Variants in DNAH1 observed in about 807,000 individuals in gnomAD.
DNAH1 encodes axonemal beta dynein heavy chain 1.
Under a neutral mutation model 484.3 loss-of-function variants are expected in DNAH1, and 327 were observed. That is an observed-to-expected ratio of 0.68 (90% CI 0.62 to 0.74). The LOEUF (loss-of-function observed/expected upper bound fraction) is 0.74. Among genes scored for constraint, DNAH1 ranks in the 30% least tolerant of loss-of-function variants. The pLI is 0.00. For synonymous variants in DNAH1, 2,192 were observed against 2,191.9 expected (o/e 1.00, Z 0.00); for missense variants, 5,052 against 5,546.8 (o/e 0.91, Z 2.83).
rs200951874 is a variant in DNAH1 at position 52,332,382 on chromosome 3, G to A, written c.1274G>A (p.Arg425His). 506 of 1,613,036 alleles carry A rather than the reference G, an allele frequency of 3.1e-4. 1 individual carries two copies. Among genetic ancestry groups the A allele is most frequent in the East Asian group, 1.1e-3 (48 of 44,874 alleles). ...KQWALSTPRM[R>H]KGPSVLEHLS... is the part of the protein sequence containing the mutation. Reference sequence around the variant, plus strand: ...TGGGCCCTGAGCACGCCTCGGATGCGCAAAGGCCCCTCGTGAGTCCCCGCT... The same window carrying A: ...TGGGCCCTGAGCACGCCTCGGATGCACAAAGGCCCCTCGTGAGTCCCCGCT... The change falls in exon 8 of 78, where the codon CGC becomes CAC. Residue 425 changes from arginine (R) to histidine (H), a missense_variant. Coordinates refer to ENST00000420323, the MANE Select transcript of DNAH1 (RefSeq NM_015512.5).
At chr3:52,390,877 C>T in intron 60 of DNAH1, 58 bp from the exon 61 acceptor site, 3 of 1,547,816 alleles carry the variant, frequency 1.9e-6, no homozygotes, top group Middle Eastern at 1.9e-4. Flanking sequence ...TGCTGATGCC[C>T]TCAGTGACCC....
intron 75 of DNAH1, among the ~76,000 whole-genome samples, chr3:52,398,410 T>C (rs1476729378): frequency 2.0e-5 from 3 of 152,210 alleles, no homozygotes; most frequent in Middle Eastern, 3.2e-3. Flanking sequence ...GCTTCCTGAA[T>C]AGCTGGGACT....
At chr3:52,383,356 T>G in intron 50 of DNAH1, 30 bp from the exon 51 acceptor site, 1 of 1,599,816 alleles carries the variant, frequency 6.3e-7, no homozygotes, top group Non-Finnish European at 8.6e-7. Flanking sequence ...ATGCAGGGGC[T>G]TAGCTCCCCA....
At chr3:52,348,518 C>T (rs1381133165) in intron 12 of DNAH1, among the ~76,000 whole-genome samples, 2 of 152,232 alleles carry the variant, frequency 1.3e-5, no homozygotes, top group South Asian at 2.1e-4. Context: ...ACCCAAGAGC[C>T]TCTGTAGCCC....
chr3:52,323,134 G>C (rs1701211031), intron 2 of DNAH1, among the ~76,000 whole-genome samples: 1 of 152,134 alleles, frequency 6.6e-6, no homozygotes, highest in South Asian at 2.1e-4. Flanking sequence ...GGCTCTGGTT[G>C]GGAAGGTTCC....
At position 52,394,480 on chromosome 3, in the gene DNAH1, C is replaced by A. The variant is rs758058357; in HGVS notation, c.10642C>A (p.Leu3548Ile). The change falls in exon 67 of 78, where the codon CTC (leucine) becomes ATC (isoleucine). Residue 3548 changes from leucine (L) to isoleucine (I), a missense_variant. By Grantham distance (5) the Leu-to-Ile change is conservative. Around this residue, in one of 4 missense-constraint regions of DNAH1, gnomAD observed 2,929 missense variants for 3,409.4 expected, o/e 0.86. Transcript: ENST00000420323. ...GKINQSEWRY[L>I]LSGGSISIMT... ...CCCCTGCCAGAGTGAGTGGCGATAC[C>A]TCCTGTCTGGGGGCTCCATCTCGAT... 1.2e-6 allele frequency: 2 copies of A among 1,613,892 alleles called. No individual in the cohort carries two copies. Among genetic ancestry groups the A allele is most frequent in the South Asian group, 1.1e-5 (1 of 91,090 alleles).
chr3:52,365,702 C>A (rs151156841), intron 34 of DNAH1, among the ~76,000 whole-genome samples: 88 of 152,306 alleles, frequency 5.8e-4, no homozygotes, highest in African/African-American at 2.0e-3. Flanking sequence ...TGGCCAGTCA[C>A]CCTGGCCACA....
In DNAH1 at chr3:52,348,898, A is replaced by G; in HGVS notation, c.2117A>G (p.Glu706Gly). 1 of 1,612,820 alleles carries G rather than the reference A, an allele frequency of 6.2e-7. No homozygotes were observed. Among genetic ancestry groups the G allele is most frequent in the African/African-American group, 1.3e-5 (1 of 75,010 alleles). The change falls in exon 13 of 78, where the codon GAG becomes GGG. Residue 706 changes from glutamate (E) to glycine (G), a missense_variant. Glu to Gly is a moderately conservative substitution (Grantham distance 98, BLOSUM62 -2). Transcript: ENST00000420323. The part of the protein sequence containing the change: ...AVPQLEKLVM[E>G]DIFISGDPLL... ...GCCTTCCCTCTGCAGCTGGTGATGG[A>G]GGACATCTTCATCAGCGGTGACCCC...
At chr3:52,335,108 G>A (rs1701691435) in intron 8 of DNAH1, among the ~76,000 whole-genome samples, 1 of 139,506 alleles carries the variant, frequency 7.2e-6, no homozygotes, top group Non-Finnish European at 1.5e-5. Context: ...AAAAAAATGT[G>A]TGATTTTTTT....
At chr3:52,374,731 A>G (rs1446009248) in intron 44 of DNAH1, 12 of 1,269,840 alleles carry the variant, frequency 9.5e-6, no homozygotes, top group African/African-American at 1.5e-5. Context: ...GGCTTGATAT[A>G]CAACGCCCTG....
Position 52,332,237 on chromosome 3 carries a change from C to T in DNAH1, c.1129C>T (p.Gln377Ter). ...DPCMFAQRVV[Q>*]ANALRKNTEA... ...TTGCATGTTCGCACAACGTGTGGTC[C>T]AGGCCAACGCCCTGCGCAAGAACAC... The change falls in exon 8 of 78, where the codon CAG becomes TAG. Residue 377 changes from glutamine to a stop codon, truncating the protein, a stop_gained. Coordinates refer to ENST00000420323, the MANE Select transcript of DNAH1 (RefSeq NM_015512.5). LOFTEE classifies it high-confidence loss of function. 1 of 1,613,862 alleles carries T rather than the reference C, an allele frequency of 6.2e-7. No homozygotes were observed. The highest frequency in any genetic ancestry group is 8.5e-7 in the Non-Finnish European group (1 of 1,179,810).
Position 52,331,206 on chromosome 3 carries a change from C to T in DNAH1, c.930C>T (p.Tyr310=), listed in dbSNP as rs1039248425. The T allele has an allele frequency of 2.5e-6, 4 of 1,608,452 alleles. No individual in the cohort carries two copies. Among genetic ancestry groups the T allele is most frequent in the South Asian group, 2.2e-5 (2 of 89,668 alleles). ...YKWCEVGVLD[Y]DEEKKLYLVH... is the part of the protein sequence containing the mutation. ...GGTGCGAGGTCGGCGTCCTGGACTA[C>T]GACGAGGAGAAGAAGCTATACCTGG... is the stretch of plus-strand genomic sequence containing the variant. The change falls in exon 7 of 78, where the codon TAC becomes TAT. Residue 310 remains tyrosine (Y), a synonymous_variant. Coordinates refer to ENST00000420323, the MANE Select transcript of DNAH1 (RefSeq NM_015512.5).
chr3:52,397,187 C>T (rs113041911), intron 73 of DNAH1, 143 bp downstream of exon 73: 274 of 861,366 alleles, frequency 3.2e-4, no homozygotes, highest in Middle Eastern at 2.1e-3. Flanking sequence ...CCATCCCATC[C>T]CACAAAGACA....
chr3:52,347,541 G>C (rs1386170270), intron 11 of DNAH1, among the ~76,000 whole-genome samples: 1 of 152,168 alleles, frequency 6.6e-6, no homozygotes, highest in Non-Finnish European at 1.5e-5. Context: ...GGGAGAGAGT[G>C]GGGGCTACAA....
chr3:52,383,501 T>C lies in DNAH1; in HGVS notation c.8057T>C (p.Ile2686Thr), dbSNP rs1703952776. The change falls in exon 51 of 78, where the codon ATC becomes ACC. Residue 2686 changes from isoleucine to threonine, a missense_variant. Coordinates refer to ENST00000420323, the MANE Select transcript of DNAH1 (RefSeq NM_015512.5). ...DQIVSTMRPY[I>T]QEQGLQPTKA... Reference sequence around the variant, plus strand: ...ATCGTCAGCACCATGCGGCCCTATATCCAGGAGCAGGGCCTACAGCCCACC... The same window carrying C: ...ATCGTCAGCACCATGCGGCCCTATACCCAGGAGCAGGGCCTACAGCCCACC... The C allele has an allele frequency of 1.2e-6, 2 of 1,613,852 alleles. No individual in the cohort carries two copies. The highest frequency in any genetic ancestry group is 1.7e-6 in the Non-Finnish European group (2 of 1,179,820).
chr3:52,370,154 C>G lies in DNAH1; in HGVS notation c.6183C>G (p.Ala2061=). The part of the protein sequence containing the change: ...FVRSSVKEVI[A]STNCNLTMSL... ...GGTCCTCAGTGAAGGAGGTGATCGC[C>G]TCAACCAACTGCAACCTGACCATGA... The change falls in exon 39 of 78, where the codon GCC becomes GCG. Residue 2061 remains alanine, a synonymous_variant. Transcript: ENST00000420323. The G allele has an allele frequency of 6.2e-7, 1 of 1,614,020 alleles. No individual in the cohort carries two copies. Among genetic ancestry groups the G allele is most frequent in the Non-Finnish European group, 8.5e-7 (1 of 1,179,888 alleles).
rs909854704 is a variant in DNAH1, at chr3:52,322,390, C to T, written c.-34-19C>T. 113 of 1,541,088 alleles carry T rather than the reference C, an allele frequency of 7.3e-5. No homozygotes were observed. In the Middle Eastern group the frequency reaches 1.1e-3, roughly 16 times the overall value. ...ACAGAGGCTGGCAAGGGCTGACTGA[C>T]GCTGGGTTCTTCTCCTAGGAGCTTC... On this transcript the variant is annotated intron_variant, in intron 1 of 77. Coordinates refer to ENST00000420323, the MANE Select transcript of DNAH1 (RefSeq NM_015512.5).
intron 46 of DNAH1, among the ~76,000 whole-genome samples, chr3:52,377,219 C>T (rs540984087): frequency 6.6e-6 from 1 of 152,156 alleles, no homozygotes; most frequent in Non-Finnish European, 1.5e-5. Context: ...GGTCCCCGCA[C>T]TCTTCCCATC....
intron 66 of DNAH1, 109 bp downstream of exon 66, chr3:52,393,594 CAA>C (rs1184581616): frequency 3.6e-5 from 53 of 1,474,962 alleles, no homozygotes; most frequent in Non-Finnish European, 4.7e-5. Context: ...ACCGCGAGAG[CAA>C]AGTGGCAGAG....
Sources: allele counts gnomAD v4.1 joint callset (sites outside exome capture counted in the v4.1 genomes callset), GRCh38; gene constraint gnomAD v4.1.1; regional missense constraint gnomAD v4.1.1; transcripts MANE v1.5; gene names NCBI Gene and HGNC (gene_info 2026-07-23, HGNC 2026-07-21).